CSRNP3: variants seen among roughly 807,000 people sequenced by gnomAD.
The protein encoded by CSRNP3 is cysteine and serine rich nuclear protein 3, also known as cysteine/serine-rich nuclear protein 3.
In CSRNP3, 12 loss-of-function variants were observed where a neutral mutation model predicts 48.0. The observed-to-expected ratio is 0.25, with a 90% CI of 0.16 to 0.41. The LOEUF (loss-of-function observed/expected upper bound fraction) is 0.41, where lower values mean the gene tolerates loss of function less well. CSRNP3 is among the 10% of genes least tolerant of loss of function. The pLI is 1.00. For missense variants in CSRNP3, 580 were observed against 724.4 expected (o/e 0.80, Z 2.29); for synonymous variants, 263 against 269.7 (o/e 0.98, Z 0.24).
chr2:165,628,127 T>G (rs1686469497), intron 4 of CSRNP3, among the ~76,000 whole-genome samples: 1 of 152,188 alleles, frequency 6.6e-6, no homozygotes, highest in African/African-American at 2.4e-5. Context: ...TCTGGCATGA[T>G]TTTATACCAA....
Position 165,606,650 on chromosome 2 carries a change from C to T in CSRNP3, c.148+11437C>T, listed in dbSNP as rs939536153. Reference sequence around the variant, plus strand: ...GAAACCCAGTAGTGAAAAGTGAAAACGTGGAATAATTGTCCATTTGAATAG... The same window carrying T: ...GAAACCCAGTAGTGAAAAGTGAAAATGTGGAATAATTGTCCATTTGAATAG... On this transcript the variant is annotated intron_variant, in intron 4 of 6. Coordinates refer to ENST00000651982, the MANE Select transcript of CSRNP3 (RefSeq NM_001172173.2). Among the ~76,000 whole-genome samples, 5 of 152,110 alleles carry T rather than the reference C, an allele frequency of 3.3e-5. No individual in the cohort carries two copies. In the South Asian group the frequency reaches 8.3e-4, roughly 25 times the overall value.
At chr2:165,576,550 ATTG>A (rs1257313921) in intron 3 of CSRNP3, among the ~76,000 whole-genome samples, 1 of 152,024 alleles carries the variant, frequency 6.6e-6, no homozygotes, top group Admixed American at 6.6e-5. Context: ...AATAAAGAGA[ATTG>A]TTGTGATTCT....
chr2:165,535,316 CT>C (rs796304994), intron 3 of CSRNP3, among the ~76,000 whole-genome samples: 294 of 140,670 alleles, frequency 2.1e-3, no homozygotes, highest in Middle Eastern at 0.011. Context: ...TTAGCTTGTT[CT>C]TTTTTTTTTT....
At chr2:165,665,310 G>A (rs1425745081) in intron 5 of CSRNP3, among the ~76,000 whole-genome samples, 6 of 152,060 alleles carry the variant, frequency 3.9e-5, no homozygotes. Flanking sequence ...TGGTATTAGA[G>A]GCATTTTTAC....
chr2:165,614,939 G>A (rs961198094), intron 4 of CSRNP3, among the ~76,000 whole-genome samples: 56 of 152,114 alleles, frequency 3.7e-4, no homozygotes, highest in Admixed American at 2.6e-4. Context: ...ACATGACTTT[G>A]ATATTTTTCT....
intron 2 of CSRNP3, among the ~76,000 whole-genome samples, chr2:165,499,908 T>G (rs1474614393): frequency 6.6e-6 from 1 of 151,638 alleles, no homozygotes; most frequent in African/African-American, 2.4e-5. Flanking sequence ...AATAAGGGAG[T>G]AGTAGTAAAG....
intron 3 of CSRNP3, among the ~76,000 whole-genome samples, chr2:165,546,437 C>T (rs768851908): frequency 5.3e-5 from 8 of 152,182 alleles, no homozygotes; most frequent in Non-Finnish European, 7.4e-5. Context: ...GTGATCCACC[C>T]GCCTAGGCCT....
chr2:165,613,513 A>C (rs761836992), intron 4 of CSRNP3, among the ~76,000 whole-genome samples: 1 of 151,936 alleles, frequency 6.6e-6, no homozygotes, highest in Non-Finnish European at 1.5e-5. Context: ...TTTTCTTCTG[A>C]GAGTTTTATG....
chr2:165,482,080 T>C lies in CSRNP3; in HGVS notation c.-283+12340T>C, dbSNP rs537839450. 3.3e-5 allele frequency among the ~76,000 whole-genome samples: 5 copies of C among 151,694 alleles called. No individual in the cohort carries two copies. The South Asian group carries it at 1.0e-3, about 32-fold the overall frequency. ...GCACATGTACTCCCTGAACCTAAAA[T>C]AAAAATAGAAGAAAAAAATAAAATA... On this transcript the variant is annotated intron_variant, in intron 1 of 6. Transcript: ENST00000651982.
chr2:165,543,846 G>T (rs185382071), intron 3 of CSRNP3, among the ~76,000 whole-genome samples: 25 of 152,118 alleles, frequency 1.6e-4, no homozygotes, highest in African/African-American at 6.0e-4. Context: ...CAATAAATAT[G>T]ACTGAGCTTC....
intron 1 of CSRNP3, among the ~76,000 whole-genome samples, chr2:165,473,422 G>A (rs1248359040): frequency 1.3e-5 from 2 of 152,098 alleles, no homozygotes; most frequent in Non-Finnish European, 2.9e-5. Context: ...GAAATAACAT[G>A]AGAGTAAGAA....
intron 4 of CSRNP3, among the ~76,000 whole-genome samples, chr2:165,633,585 C>T (rs1214428441): frequency 2.6e-5 from 4 of 152,152 alleles, no homozygotes; most frequent in Non-Finnish European, 5.9e-5. Flanking sequence ...CTTTCCAAGA[C>T]TCCCCACTGA....
At chr2:165,516,544 A>G (rs965221299) in intron 2 of CSRNP3, among the ~76,000 whole-genome samples, 1 of 152,184 alleles carries the variant, frequency 6.6e-6, no homozygotes, top group African/African-American at 2.4e-5. Flanking sequence ...ATGCATATAT[A>G]CTTCAAAACA....
At chr2:165,587,414 C>G (rs753513060) in intron 3 of CSRNP3, among the ~76,000 whole-genome samples, 1 of 152,146 alleles carries the variant, frequency 6.6e-6, no homozygotes, top group African/African-American at 2.4e-5. Context: ...GGAGTAGTAC[C>G]CAGCCAGGTG....
chr2:165,537,994 A>G (rs1558928467), intron 3 of CSRNP3, among the ~76,000 whole-genome samples: 1 of 151,798 alleles, frequency 6.6e-6, no homozygotes, highest in Non-Finnish European at 1.5e-5. Flanking sequence ...GCTCCTGAGG[A>G]CAGATGAGAA....
chr2:165,590,589 G>C (rs1685700412), intron 3 of CSRNP3, among the ~76,000 whole-genome samples: 1 of 152,146 alleles, frequency 6.6e-6, no homozygotes, highest in Non-Finnish European at 1.5e-5. Flanking sequence ...ACATGTCATG[G>C]GATGGACCCG....
intron 4 of CSRNP3, among the ~76,000 whole-genome samples, chr2:165,609,109 G>GA (rs1045535184): frequency 5.2e-4 from 57 of 108,888 alleles, no homozygotes; most frequent in Admixed American, 1.1e-3. Flanking sequence ...TCCGTCTCAA[G>GA]AAAAAAAAAA....
intron 4 of CSRNP3, among the ~76,000 whole-genome samples, chr2:165,639,467 G>A (rs1372958263): frequency 1.3e-5 from 2 of 152,214 alleles, no homozygotes; most frequent in Non-Finnish European, 2.9e-5. Flanking sequence ...TGGCCACAAA[G>A]TGCATGGTTA....
At chr2:165,542,345 C>T (rs1393502252) in intron 3 of CSRNP3, among the ~76,000 whole-genome samples, 1 of 152,174 alleles carries the variant, frequency 6.6e-6, no homozygotes, top group Non-Finnish European at 1.5e-5. Context: ...GCTTAGGAAT[C>T]ACTTAAAACT....
Sources: allele counts gnomAD v4.1 joint callset (sites outside exome capture counted in the v4.1 genomes callset), GRCh38; gene constraint gnomAD v4.1.1; transcripts MANE v1.5; gene names NCBI Gene and HGNC (gene_info 2026-07-23, HGNC 2026-07-21).